The following PANX1 variants were observed in gnomAD, a reference collection of about 807,000 sequenced individuals.
PANX1 encodes the protein pannexin-1.
A neutral mutation model predicts 38.7 loss-of-function variants in PANX1; 30 were observed. That is an observed-to-expected ratio of 0.78 (90% CI 0.58 to 1.05). The LOEUF (loss-of-function observed/expected upper bound fraction) is 1.05. Ranked by LOEUF, PANX1 falls within the 50% of genes least tolerant of loss-of-function variation. The pLI is 0.00. For missense variants in PANX1, 551 were observed against 517.2 expected (o/e 1.07, Z -0.63); for synonymous variants, 230 against 212.2 (o/e 1.08, Z -0.73).
rs184675273 is a variant in PANX1, at chr11:94,159,716, T to G, written c.321+6086T>G. 1.3e-4 allele frequency among the ~76,000 whole-genome samples: 20 copies of G among 152,104 alleles called. No homozygotes were observed. In the East Asian group the frequency reaches 3.7e-3, roughly 28 times the overall value. The stretch of plus-strand genomic sequence containing the variant: ...TGGTTGTTTGAAGGGTTTTTTTGTG[T>G]CTCTATTTCCTTCAGTTCTGCCCTG... On this transcript the variant is annotated intron_variant, in intron 2 of 4. Transcript: ENST00000227638.
chr11:94,140,849 G>A (rs139978942), intron 1 of PANX1, among the ~76,000 whole-genome samples: 1,831 of 151,966 alleles, frequency 0.012, 47 homozygotes, highest in African/African-American at 0.043. Flanking sequence ...ACATGTTCAG[G>A]TATAACATAT....
chr11:94,158,223 C>T (rs953440868), intron 2 of PANX1, among the ~76,000 whole-genome samples: 17 of 151,992 alleles, frequency 1.1e-4, no homozygotes, highest in African/African-American at 2.9e-4. Flanking sequence ...ATTGACTTGG[C>T]GATGCAGGCT....
At chr11:94,157,981 T>C (rs934149841) in intron 2 of PANX1, among the ~76,000 whole-genome samples, 3 of 152,166 alleles carry the variant, frequency 2.0e-5, no homozygotes, top group African/African-American at 4.8e-5. Flanking sequence ...GTTTTCCCAG[T>C]ACCATTTATT....
intron 2 of PANX1, among the ~76,000 whole-genome samples, chr11:94,170,328 C>G (rs1346295196): frequency 6.6e-6 from 1 of 151,660 alleles, no homozygotes; most frequent in Non-Finnish European, 1.5e-5. Context: ...CCTTTTGTGT[C>G]TGGCTTATCT....
chr11:94,139,455 T>C (rs1423513211), intron 1 of PANX1, among the ~76,000 whole-genome samples: 1 of 152,252 alleles, frequency 6.6e-6, no homozygotes, highest in Non-Finnish European at 1.5e-5. Context: ...TTTTAAAATA[T>C]TGTAGTTATG....
intron 1 of PANX1, among the ~76,000 whole-genome samples, chr11:94,134,918 GC>G (rs1395179329): frequency 6.6e-6 from 1 of 152,194 alleles, no homozygotes; most frequent in Non-Finnish European, 1.5e-5. Context: ...TCTTACAGCA[GC>G]CTGGTTGAAG....
At chr11:94,151,230 C>G (rs1246645611) in intron 1 of PANX1, among the ~76,000 whole-genome samples, 29 of 152,142 alleles carry the variant, frequency 1.9e-4, no homozygotes, top group Non-Finnish European at 1.5e-5. Context: ...CTGCCCTCCT[C>G]TCTCTATTTT....
At chr11:94,163,746 C>G (rs1208830455) in intron 2 of PANX1, among the ~76,000 whole-genome samples, 1 of 152,142 alleles carries the variant, frequency 6.6e-6, no homozygotes, top group Non-Finnish European at 1.5e-5. Context: ...ATTCCCTCCT[C>G]TAAGGATGGT....
At chr11:94,132,845 G>A (rs1314912412) in intron 1 of PANX1, among the ~76,000 whole-genome samples, 1 of 152,092 alleles carries the variant, frequency 6.6e-6, no homozygotes, top group Non-Finnish European at 1.5e-5. Context: ...TTAAATAAAT[G>A]ATTTTTTACT....
At chr11:94,145,044 A>G (rs1946811529) in intron 1 of PANX1, among the ~76,000 whole-genome samples, 1 of 152,200 alleles carries the variant, frequency 6.6e-6, no homozygotes, top group African/African-American at 2.4e-5. Context: ...TATCAACATA[A>G]TATCATATCA....
At chr11:94,132,658 T>C (rs1397162549) in intron 1 of PANX1, among the ~76,000 whole-genome samples, 2 of 152,172 alleles carry the variant, frequency 1.3e-5, no homozygotes, top group East Asian at 3.9e-4. Context: ...TACATGTTTT[T>C]CCTTTTTCCA....
At position 94,129,350 on chromosome 11, in the gene PANX1, C is replaced by G. The variant is rs960471591; in HGVS notation, c.38C>G (p.Ser13Trp). The stretch of plus-strand genomic sequence containing the variant: ...CAACTGGCCACGGAGTACGTGTTCT[C>G]GGATTTCTTGCTGAAGGAGCCCACG... ...IAQLATEYVF[S>W]DFLLKEPTEP... The change falls in exon 1 of 5, where the codon TCG becomes TGG. Residue 13 changes from serine to tryptophan, a missense_variant. Physicochemically the swap from Ser to Trp is radical, Grantham distance 177. Transcript: ENST00000227638. The G allele has an allele frequency of 6.2e-7, 1 of 1,613,752 alleles. No individual in the cohort carries two copies. Among genetic ancestry groups the G allele is most frequent in the Non-Finnish European group, 8.5e-7 (1 of 1,179,786 alleles).
intron 2 of PANX1, among the ~76,000 whole-genome samples, chr11:94,159,390 T>C (rs1391458756): frequency 3.9e-5 from 6 of 152,188 alleles, no homozygotes; most frequent in African/African-American, 1.4e-4. Flanking sequence ...CCTGGACTTT[T>C]TTTGGTTGGT....
chr11:94,130,393 G>A (rs1366009859), intron 1 of PANX1, among the ~76,000 whole-genome samples: 1 of 152,230 alleles, frequency 6.6e-6, no homozygotes, highest in Non-Finnish European at 1.5e-5. Flanking sequence ...TTCCTGGAAA[G>A]AGAGACACAG....
At chr11:94,149,478 A>G (rs1289175035) in intron 1 of PANX1, among the ~76,000 whole-genome samples, 1 of 152,134 alleles carries the variant, frequency 6.6e-6, no homozygotes, top group Admixed American at 6.6e-5. Flanking sequence ...TGTTGTGGCT[A>G]CTTCCTCTGG....
In PANX1 at chr11:94,146,964, A is replaced by C. The variant is rs565271900; in HGVS notation, c.182-6527A>C. On this transcript the variant is annotated intron_variant, in intron 1 of 4. Coordinates refer to ENST00000227638, the MANE Select transcript of PANX1 (RefSeq NM_015368.4). The stretch of plus-strand genomic sequence containing the variant: ...TTGTTTTAGAAGACACACACTTTTG[A>C]GAGTAAAGGGTCATGATCTCTGCAA... 3.9e-5 allele frequency among the ~76,000 whole-genome samples: 6 copies of C among 152,290 alleles called. No homozygotes were observed. The South Asian group carries it at 1.2e-3, about 32-fold the overall frequency.
At chr11:94,136,521 T>C (rs1471934238) in intron 1 of PANX1, among the ~76,000 whole-genome samples, 1 of 152,196 alleles carries the variant, frequency 6.6e-6, no homozygotes, top group Non-Finnish European at 1.5e-5. Flanking sequence ...TGACTCATGC[T>C]TGTAATCCCA....
rs1591513557 is a variant in PANX1 at position 94,153,425 on chromosome 11, G to A, written c.182-66G>A. On this transcript the variant is annotated intron_variant, in intron 1 of 4. Coordinates refer to ENST00000227638, the MANE Select transcript of PANX1 (RefSeq NM_015368.4). Reference sequence around the variant, plus strand: ...CTAACTTAGACAAAACTAAAAACATGTGAGATGGGGACAAGAGTCCAGGTA... The same window carrying A: ...CTAACTTAGACAAAACTAAAAACATATGAGATGGGGACAAGAGTCCAGGTA... The A allele has an allele frequency of 7.7e-6, 12 of 1,560,504 alleles. No individual in the cohort carries two copies. In the East Asian group the frequency reaches 2.0e-4, roughly 26 times the overall value.
intron 2 of PANX1, among the ~76,000 whole-genome samples, chr11:94,155,570 C>T (rs1472952026): frequency 6.6e-6 from 1 of 151,998 alleles, no homozygotes; most frequent in East Asian, 1.9e-4. Flanking sequence ...ATTACTTTTG[C>T]TCCAACCTAA....
Sources: allele counts gnomAD v4.1 joint callset (sites outside exome capture counted in the v4.1 genomes callset), GRCh38; gene constraint gnomAD v4.1.1; transcripts MANE v1.5; gene names NCBI Gene and HGNC (gene_info 2026-07-23, HGNC 2026-07-21).